Variants in ABCC9 observed in about 807,000 individuals in gnomAD.
ABCC9 encodes ATP-binding cassette sub-family C member 9.
A neutral mutation model predicts 188.3 loss-of-function variants in ABCC9; 95 were observed. That is an observed-to-expected ratio of 0.50 (90% confidence interval 0.43 to 0.60). ABCC9 has a LOEUF of 0.60. Among genes scored for constraint, ABCC9 ranks in the 20% least tolerant of loss-of-function variants. The pLI is 0.00. For synonymous variants in ABCC9, 659 were observed against 652.7 expected, an observed-to-expected ratio of 1.01 and a Z score of -0.15; for missense variants, 1,102 against 1,876.3, an observed-to-expected ratio of 0.59 and a Z score of 7.62.
intron 6 of ABCC9, 116 bp from the exon 7 acceptor site, chr12:21,916,026 A>G: frequency 1.0e-6 from 1 of 967,476 alleles, no homozygotes; most frequent in Non-Finnish European, 1.5e-6. Context: ...TTTATATTTT[A>G]ATGCCTCCTT....
Position 21,915,681 on chromosome 12 carries a change from T to C in ABCC9, c.803A>G (p.Tyr268Cys). Residue 268 changes from tyrosine to cysteine, a missense_variant, in exon 7 of 40, where the codon TAT (tyrosine) becomes TGT (cysteine). Tyr to Cys is a radical substitution (Grantham distance 194). Around this residue, in one of 12 missense-constraint regions of ABCC9, gnomAD observed 305 missense variants for 573.0 expected, o/e 0.53. Coordinates refer to ENST00000261200, the MANE Select transcript of ABCC9 (RefSeq NM_020297.4). ...VTNYVCLKDAYEEQKKKVADH... is the reference protein window; with the variant it reads ...VTNYVCLKDACEEQKKKVADH... ...ACGCTAAATCACCTTTTGTTCTTCA[T>C]ATGCATCTTTCAGGCAAACATAATT... 6.2e-7 allele frequency: 1 copy of C among 1,612,128 alleles called. No homozygotes were observed. Among genetic ancestry groups the C allele is most frequent in the Non-Finnish European group, 8.5e-7 (1 of 1,179,422 alleles).
At chr12:21,915,225 ATGTGTGTGTGTGTGTGTGTGTG>A (rs377233626) in intron 7 of ABCC9, among the ~76,000 whole-genome samples, 5 of 129,132 alleles carry the variant, frequency 3.9e-5, no homozygotes, top group African/African-American at 6.3e-5. Context: ...TTATATATAT[ATGTGTGTGTGTGTGTGTGTGTG>A]TGTGTGTGTG....
In ABCC9 at chr12:21,844,903, C is replaced by T. The variant is rs1443654109; in HGVS notation, c.3109G>A (p.Ala1037Thr). The change falls in exon 27 of 40, where the codon GCT (alanine) becomes ACT (threonine). Residue 1037 changes from alanine to threonine, a missense_variant. Transcript: ENST00000261200. The part of the protein sequence containing the change: ...TGKADQTYYV[A>T]GFSILCGAGI... Reference sequence around the variant, plus strand: ...GCTCCACAGAGTATGCTAAAGCCAGCCACATAGTAGGTCTAAAAAGCAACC... The same window carrying T: ...GCTCCACAGAGTATGCTAAAGCCAGTCACATAGTAGGTCTAAAAAGCAACC... 6.2e-7 allele frequency: 1 copy of T among 1,613,712 alleles called. No individual in the cohort carries two copies.
At chr12:21,919,180 A>G (rs1039402043) in intron 5 of ABCC9, among the ~76,000 whole-genome samples, 11 of 152,050 alleles carry the variant, frequency 7.2e-5, no homozygotes, top group South Asian at 4.1e-4. Context: ...TGAAAACAAT[A>G]GAGATGAGTA....
intron 3 of ABCC9, among the ~76,000 whole-genome samples, chr12:21,934,825 A>G (rs75989175): frequency 0.034 from 5,112 of 152,102 alleles, 298 homozygotes; most frequent in African/African-American, 0.12. Context: ...TAGGCAGCAG[A>G]TGCCCCTTTT....
chr12:21,887,280 T>C (rs899495221), intron 15 of ABCC9, among the ~76,000 whole-genome samples: 2 of 152,176 alleles, frequency 1.3e-5, no homozygotes, highest in African/African-American at 2.4e-5. Context: ...GGTCTACAAC[T>C]TACAAGATTC....
At chr12:21,940,167 G>A (rs1012939626) in intron 2 of ABCC9, among the ~76,000 whole-genome samples, 2 of 152,166 alleles carry the variant, frequency 1.3e-5, no homozygotes, top group African/African-American at 2.4e-5. Context: ...AGCAGAAAGC[G>A]TTAGTTCTGA....
Position 21,910,208 on chromosome 12 carries a change from T to C in ABCC9, c.1269A>G (p.Gln423=). 6.2e-7 allele frequency: 1 copy of C among 1,611,380 alleles called. No homozygotes were observed. Among genetic ancestry groups the C allele is most frequent in the South Asian group, 1.1e-5 (1 of 91,008 alleles). Residue 423 remains glutamine, a synonymous_variant, in exon 10 of 40, where the codon CAA becomes CAG. Transcript: ENST00000261200. ...GACACAGGAACAAAAACCACATGAG[T>C]TGATTAGTTTCAATGGCGACTAAGT... ...INNLVAIETN[Q]LMWFLFLCPN... is the part of the protein sequence containing the mutation.
At chr12:21,885,833 C>A (rs1592148424) in intron 15 of ABCC9, among the ~76,000 whole-genome samples, 2 of 152,034 alleles carry the variant, frequency 1.3e-5, no homozygotes, top group African/African-American at 4.8e-5. Context: ...GGAAACGAGT[C>A]TAAATATATA....
chr12:21,940,363 G>C (rs973148083), intron 2 of ABCC9, among the ~76,000 whole-genome samples: 2 of 152,176 alleles, frequency 1.3e-5, no homozygotes, highest in Non-Finnish European at 2.9e-5. Flanking sequence ...TCATCATCTA[G>C]AGCATTTTCA....
chr12:21,875,731 A>G lies in ABCC9; in HGVS notation c.2020-5T>C. The G allele has an allele frequency of 6.3e-7, 1 of 1,597,986 alleles. No individual in the cohort carries two copies. Among genetic ancestry groups the G allele is most frequent in the East Asian group, 2.2e-5 (1 of 44,760 alleles). The stretch of plus-strand genomic sequence containing the variant: ...TGAAAAGTATCCATTTGTGACCTAC[A>G]AAATAAAAATACAGAAATTAAATTA... On this transcript the variant is annotated splice_polypyrimidine_tract_variant and splice_region_variant and intron_variant, in intron 16 of 39. Transcript: ENST00000261200.
At position 21,859,596 on chromosome 12, in the gene ABCC9, A is replaced by G. The variant is rs542818695; in HGVS notation, c.2495T>C (p.Ile832Thr). Residue 832 changes from isoleucine (I) to threonine (T), a missense_variant, in exon 22 of 40, where the codon ATT (isoleucine) becomes ACT (threonine). By Grantham distance (89) the Ile-to-Thr change is moderately conservative. Around this residue, in one of 12 missense-constraint regions of ABCC9, gnomAD observed 31 missense variants for 78.8 expected, o/e 0.39. Transcript: ENST00000261200. ...AGGCCATATTCTTACCAAAAAGACAATGTTGGTGTTTTGATACAGCGCTCG... is the reference window on the plus strand; with the variant it reads ...AGGCCATATTCTTACCAAAAAGACAGTGTTGGTGTTTTGATACAGCGCTCG... ...VARALYQNTN[I>T]VFLDDPFSAL... 1.9e-6 allele frequency: 3 copies of G among 1,613,734 alleles called. No individual in the cohort carries two copies. Among genetic ancestry groups the G allele is most frequent in the Admixed American group, 3.3e-5 (2 of 59,990 alleles).
At chr12:21,891,048 T>C (rs1458242895) in intron 14 of ABCC9, among the ~76,000 whole-genome samples, 2 of 152,156 alleles carry the variant, frequency 1.3e-5, no homozygotes, top group Non-Finnish European at 2.9e-5. Context: ...AGGATGGCCA[T>C]TATGGGCCAT....
chr12:21,928,378 GAGAA>G (rs1345341402), intron 4 of ABCC9, among the ~76,000 whole-genome samples: 22 of 138,534 alleles, frequency 1.6e-4, no homozygotes, highest in East Asian at 1.1e-3. Flanking sequence ...AAGAAAAAGA[GAGAA>G]AGAAAAGAGG....
chr12:21,865,341 G>A (rs1052811441), intron 18 of ABCC9, among the ~76,000 whole-genome samples: 9 of 152,078 alleles, frequency 5.9e-5, no homozygotes, highest in African/African-American at 2.2e-4. Context: ...ACTGCACACT[G>A]CTAATGACAT....
chr12:21,896,408 G>T (rs2137757557), intron 12 of ABCC9, among the ~76,000 whole-genome samples: 1 of 152,210 alleles, frequency 6.6e-6, no homozygotes, highest in Non-Finnish European at 1.5e-5. Flanking sequence ...CCACATTTCT[G>T]CCTCAACCTT....
chr12:21,898,618 C>T (rs1198893791), intron 12 of ABCC9, among the ~76,000 whole-genome samples: 1 of 152,044 alleles, frequency 6.6e-6, no homozygotes, highest in Non-Finnish European at 1.5e-5. Flanking sequence ...CAAGAGGAAA[C>T]AATATATAAA....
intron 30 of ABCC9, among the ~76,000 whole-genome samples, chr12:21,832,033 G>A (rs1436691131): frequency 6.6e-6 from 1 of 152,186 alleles, no homozygotes; most frequent in Non-Finnish European, 1.5e-5. Flanking sequence ...TGAAAATGCA[G>A]TGAACATTCT....
At chr12:21,841,658 A>G (rs1343350648) in intron 29 of ABCC9, among the ~76,000 whole-genome samples, 2 of 152,034 alleles carry the variant, frequency 1.3e-5, no homozygotes, top group Admixed American at 6.6e-5. Context: ...CGCCCGGCCT[A>G]TGTTTGATTT....
Sources: gnomAD v4.1 joint callset for allele counts (sites outside exome capture counted in the v4.1 genomes callset) on GRCh38, gnomAD v4.1.1 for gene constraint, gnomAD v4.1.1 regional missense constraint, MANE v1.5 for transcripts, NCBI Gene and HGNC (gene_info 2026-07-23, HGNC 2026-07-21) for gene names.